DGKB: variants seen among roughly 807,000 people sequenced by gnomAD.
DGKB encodes 90 kDa diacylglycerol kinase.
A neutral mutation model predicts 114.3 loss-of-function variants in DGKB; 67 were observed. That is an observed-to-expected ratio of 0.59 (90% confidence interval 0.48 to 0.72). The LOEUF (loss-of-function observed/expected upper bound fraction) is 0.72, where lower values mean the gene tolerates loss of function less well. DGKB is among the 30% of genes least tolerant of loss of function. The probability of loss-of-function intolerance (pLI) is 0.00; values close to 1 mark genes in which losing one functional copy is unlikely to be tolerated. For missense variants in DGKB, 907 were observed against 975.2 expected, an observed-to-expected ratio of 0.93 and a Z score of 0.93; for synonymous variants, 398 against 323.1, an observed-to-expected ratio of 1.23 and a Z score of -2.49.
intron 21 of DGKB, among the ~76,000 whole-genome samples, chr7:14,456,458 T>C (rs899146921): frequency 3.9e-5 from 6 of 152,080 alleles, no homozygotes; most frequent in Non-Finnish European, 8.8e-5. Context: ...TTAATATACC[T>C]GCACAAAACA....
intron 1 of DGKB, among the ~76,000 whole-genome samples, chr7:14,886,751 T>A (rs1369286084): frequency 6.6e-6 from 1 of 151,854 alleles, no homozygotes; most frequent in Non-Finnish European, 1.5e-5. Flanking sequence ...ATCCAGCACA[T>A]TGCAGCTAGA....
intron 23 of DGKB, among the ~76,000 whole-genome samples, chr7:14,249,780 C>T (rs1735730444): frequency 6.6e-6 from 1 of 151,940 alleles, no homozygotes; most frequent in African/African-American, 2.4e-5. Flanking sequence ...AAAACACCAA[C>T]TCATAATTTC....
At chr7:14,926,406 C>T (rs1440902922) in intron 1 of DGKB, among the ~76,000 whole-genome samples, 2 of 151,520 alleles carry the variant, frequency 1.3e-5, no homozygotes, top group Non-Finnish European at 3.0e-5. Context: ...TTTTTCAAGT[C>T]CTGCTGTTCC....
In DGKB at chr7:14,392,495, G is replaced by T. The variant is rs12671101; in HGVS notation, c.1836-47104C>A. ...TTTATTCAACACATGATTGTTAAAA[G>T]AACATATAAATAAATGAATATGTAA... On this transcript the variant is annotated intron_variant, in intron 21 of 25. Coordinates refer to ENST00000402815, the MANE Select transcript of DGKB (RefSeq NM_001350709.2). 2.2e-3 allele frequency among the ~76,000 whole-genome samples: 338 copies of T among 152,244 alleles called. 3 individuals carry two copies. In the East Asian group the frequency reaches 0.036, roughly 16 times the overall value.
rs1832265535 is a variant in DGKB, at chr7:14,739,694, T to C, written c.169-3500A>G. On this transcript the variant is annotated intron_variant, in intron 4 of 25. Coordinates refer to ENST00000402815, the MANE Select transcript of DGKB (RefSeq NM_001350709.2). ...CAAGAATCTCTTTCACTTTCGTTTC[T>C]GGGCCTTCCAGTCCTCAGACTTTTT... 2.0e-5 allele frequency among the ~76,000 whole-genome samples: 3 copies of C among 152,334 alleles called. No individual in the cohort carries two copies. The South Asian group carries it at 6.2e-4, about 32-fold the overall frequency.
chr7:14,163,406 G>T (rs1010060111), intron 25 of DGKB, among the ~76,000 whole-genome samples: 1 of 152,136 alleles, frequency 6.6e-6, no homozygotes, highest in African/African-American at 2.4e-5. Flanking sequence ...ACTAATTAAT[G>T]CATAAGTAAC....
At chr7:14,911,447 CT>C (rs1783996570) in intron 1 of DGKB, among the ~76,000 whole-genome samples, 1 of 151,868 alleles carries the variant, frequency 6.6e-6, no homozygotes, top group Non-Finnish European at 1.5e-5. Flanking sequence ...ATGTTATTAA[CT>C]TATAAGCTCT....
At chr7:14,571,870 A>G (rs866108742) in intron 20 of DGKB, among the ~76,000 whole-genome samples, 1 of 152,300 alleles carries the variant, frequency 6.6e-6, no homozygotes, top group African/African-American at 2.4e-5. Context: ...AGTATACACC[A>G]TAAGAAAGAA....
chr7:14,740,003 C>T (rs571634592), intron 4 of DGKB, among the ~76,000 whole-genome samples: 1 of 152,352 alleles, frequency 6.6e-6, no homozygotes, highest in Admixed American at 6.5e-5. Context: ...TTTCGGCATC[C>T]AACAGCCATG....
intron 1 of DGKB, among the ~76,000 whole-genome samples, chr7:14,864,101 C>T (rs1043230256): frequency 1.0e-5 from 1 of 96,500 alleles, no homozygotes; most frequent in Admixed American, 1.2e-4. Flanking sequence ...AACTCTGTTT[C>T]AAAAAAAAAA....
intron 1 of DGKB, among the ~76,000 whole-genome samples, chr7:14,942,168 C>T (rs1785603854): frequency 6.6e-6 from 1 of 151,582 alleles, no homozygotes; most frequent in East Asian, 1.9e-4. Flanking sequence ...GGTGGCCTCT[C>T]TTCCTCATTC....
intron 13 of DGKB, among the ~76,000 whole-genome samples, chr7:14,644,506 A>T (rs1306370534): frequency 6.6e-6 from 1 of 152,208 alleles, no homozygotes; most frequent in Non-Finnish European, 1.5e-5. Context: ...CTGAATGAGA[A>T]ATTCAACAAA....
intron 5 of DGKB, among the ~76,000 whole-genome samples, chr7:14,731,374 G>T (rs975595645): frequency 6.6e-6 from 1 of 152,116 alleles, no homozygotes; most frequent in African/African-American, 2.4e-5. Flanking sequence ...ATGTCTGACA[G>T]TGCCAATTTG....
chr7:14,926,479 G>A lies in DGKB; in HGVS notation c.-188+48217C>T, dbSNP rs531808289. 4.0e-5 allele frequency among the ~76,000 whole-genome samples: 6 copies of A among 149,746 alleles called. No individual in the cohort carries two copies. In the East Asian group the frequency reaches 1.2e-3, roughly 29 times the overall value. Reference sequence around the variant, plus strand: ...CTTCCTATTTTTTTCTCATTGCTTTGCATTATGTTTAGTGTTTTTTGTTTT... The same window carrying A: ...CTTCCTATTTTTTTCTCATTGCTTTACATTATGTTTAGTGTTTTTTGTTTT... On this transcript the variant is annotated intron_variant, in intron 1 of 4. Transcript: ENST00000437998.
chr7:14,754,697 T>G (rs1352989159), intron 3 of DGKB, among the ~76,000 whole-genome samples: 4 of 152,178 alleles, frequency 2.6e-5, no homozygotes, highest in Admixed American at 1.3e-4. Flanking sequence ...TCACTGAAAC[T>G]GGATCTCTGC....
At chr7:14,255,573 A>G (rs1795844237) in intron 23 of DGKB, among the ~76,000 whole-genome samples, 1 of 152,166 alleles carries the variant, frequency 6.6e-6, no homozygotes, top group Admixed American at 6.6e-5. Flanking sequence ...AGTAAGAATA[A>G]ATAACAAGGT....
At chr7:14,679,674 G>A (rs1022404692) in intron 12 of DGKB, among the ~76,000 whole-genome samples, 2 of 151,984 alleles carry the variant, frequency 1.3e-5, no homozygotes, top group African/African-American at 4.8e-5. Context: ...CTAGCTCTTT[G>A]TTATGTCCAT....
chr7:14,902,397 G>T (rs1783238636), intron 1 of DGKB, among the ~76,000 whole-genome samples, 195 bp downstream of exon 1: 1 of 152,156 alleles, frequency 6.6e-6, no homozygotes, highest in Non-Finnish European at 1.5e-5. Flanking sequence ...AGCGGCATCC[G>T]CCTGCAAATC....
At chr7:14,760,223 T>G (rs954567509) in intron 2 of DGKB, among the ~76,000 whole-genome samples, 1 of 152,154 alleles carries the variant, frequency 6.6e-6, no homozygotes, top group Non-Finnish European at 1.5e-5. Flanking sequence ...ATTTTCCATA[T>G]TGTGATCAGA....
Sources: gnomAD v4.1 joint callset for allele counts (sites outside exome capture counted in the v4.1 genomes callset) on GRCh38, gnomAD v4.1.1 for gene constraint, MANE v1.5 for transcripts, NCBI Gene and HGNC (gene_info 2026-07-23, HGNC 2026-07-21) for gene names.